RSRC1: variants seen among roughly 807,000 people sequenced by gnomAD.
The protein encoded by RSRC1 is serine/Arginine-related protein 53.
A neutral mutation model predicts 49.1 loss-of-function variants in RSRC1; 39 were observed. The observed-to-expected ratio is 0.79, with a 90% CI of 0.61 to 1.04. The LOEUF (loss-of-function observed/expected upper bound fraction) is 1.04, where lower values mean the gene tolerates loss of function less well. Ranked by LOEUF, RSRC1 falls within the 50% of genes least tolerant of loss-of-function variation. The pLI is 0.00. For synonymous variants in RSRC1, 143 were observed against 130.8 expected (o/e 1.09, Z -0.63); for missense variants, 388 against 402.4 (o/e 0.96, Z 0.31).
chr3:158,220,206 G>A (rs1356610976), intron 4 of RSRC1, among the ~76,000 whole-genome samples: 1 of 151,660 alleles, frequency 6.6e-6, no homozygotes, highest in African/African-American at 2.4e-5. Context: ...ATCGTAGATA[G>A]GGAAGTCATA....
At chr3:158,436,540 T>A (rs749792432) in intron 6 of RSRC1, among the ~76,000 whole-genome samples, 8 of 151,944 alleles carry the variant, frequency 5.3e-5, no homozygotes, top group Non-Finnish European at 1.2e-4. Flanking sequence ...ATACAATTTC[T>A]CGGAAATATT....
chr3:158,353,999 T>TTTC (rs1553791545), intron 5 of RSRC1, among the ~76,000 whole-genome samples: 2 of 139,706 alleles, frequency 1.4e-5, no homozygotes, highest in Non-Finnish European at 3.1e-5. Flanking sequence ...CTTTTTCTTT[T>TTTC]TTTTTTTTTT....
chr3:158,380,703 A>C (rs1732654841), intron 6 of RSRC1, among the ~76,000 whole-genome samples: 1 of 152,106 alleles, frequency 6.6e-6, no homozygotes. Context: ...AGTTGTGGGA[A>C]AATACCACTC....
chr3:158,159,739 CTT>C (rs1320054276), intron 3 of RSRC1, among the ~76,000 whole-genome samples: 1 of 152,116 alleles, frequency 6.6e-6, no homozygotes, highest in East Asian at 1.9e-4. Flanking sequence ...AGTTCTTTAA[CTT>C]TTTTTGATGA....
At chr3:158,185,700 T>C (rs1237458408) in intron 3 of RSRC1, among the ~76,000 whole-genome samples, 4 of 151,930 alleles carry the variant, frequency 2.6e-5, no homozygotes. Context: ...TACCAGCTGC[T>C]AAAAAAATTT....
chr3:158,525,937 C>T (rs1434876130), intron 7 of RSRC1, among the ~76,000 whole-genome samples: 3 of 151,830 alleles, frequency 2.0e-5, no homozygotes, highest in African/African-American at 7.2e-5. Flanking sequence ...TAACAATGGA[C>T]ATGTTCTATA....
At chr3:158,173,222 ATATT>A (rs1718986223) in intron 3 of RSRC1, among the ~76,000 whole-genome samples, 1 of 152,004 alleles carries the variant, frequency 6.6e-6, no homozygotes, top group Non-Finnish European at 1.5e-5. Flanking sequence ...GATTATTTAT[ATATT>A]TATAAAACAA....
intron 4 of RSRC1, among the ~76,000 whole-genome samples, chr3:158,285,712 A>C (rs545756471): frequency 3.3e-5 from 5 of 152,148 alleles, no homozygotes; most frequent in East Asian, 3.9e-4. Flanking sequence ...TTGGTGTATA[A>C]GAATGCTTGT....
intron 7 of RSRC1, among the ~76,000 whole-genome samples, chr3:158,477,349 A>G (rs1430517658): frequency 2.0e-5 from 3 of 152,158 alleles, no homozygotes; most frequent in African/African-American, 7.2e-5. Flanking sequence ...CTTTCATGAC[A>G]GAAAAATCAG....
At position 158,537,142 on chromosome 3, in the gene RSRC1, ATTGAAAG is replaced by A; in HGVS notation, c.705_711del (p.Ile235MetfsTer24). ...AAAAAGAGTAAAAGAAATTGAAGCT[ATTGAAAG>A]TGATTCTTTTGTTCAGCAGACATTC... On this transcript the variant is annotated frameshift_variant, in exon 8 of 10. Transcript: ENST00000611884. LOFTEE classifies it high-confidence loss of function. 2 of 1,602,640 alleles carry A rather than the reference ATTGAAAG, an allele frequency of 1.2e-6. No individual in the cohort carries two copies. The highest frequency in any genetic ancestry group is 1.7e-6 in the Non-Finnish European group (2 of 1,175,152).
chr3:158,434,267 A>G (rs1191178735), intron 6 of RSRC1, among the ~76,000 whole-genome samples: 2 of 151,970 alleles, frequency 1.3e-5, no homozygotes, highest in Non-Finnish European at 2.9e-5. Context: ...TCACTTATAC[A>G]TTAGGTGATG....
chr3:158,445,560 G>A (rs375104677), intron 6 of RSRC1, among the ~76,000 whole-genome samples: 3 of 151,978 alleles, frequency 2.0e-5, no homozygotes, highest in Admixed American at 2.0e-4. Context: ...CATAAATGAC[G>A]AGTTAATGGG....
chr3:158,276,475 A>G, intron 4 of RSRC1: 1 of 624,412 alleles, frequency 1.6e-6, no homozygotes, highest in Non-Finnish European at 2.9e-6. Context: ...GTTAGCCTTT[A>G]GATAGAATAA....
intron 3 of RSRC1, among the ~76,000 whole-genome samples, chr3:158,181,529 A>C (rs1320879074): frequency 5.9e-5 from 9 of 152,218 alleles, no homozygotes; most frequent in African/African-American, 2.2e-4. Context: ...TTGGAAAATT[A>C]GTGATAAAAA....
chr3:158,388,605 G>GTTTTTTTT (rs1225891559), intron 6 of RSRC1, among the ~76,000 whole-genome samples: 1 of 99,300 alleles, frequency 1.0e-5, no homozygotes, highest in African/African-American at 4.0e-5. Flanking sequence ...AATTAGCCGT[G>GTTTTTTTT]TTTTTTGTTT....
chr3:158,325,918 G>T (rs1400349858), intron 5 of RSRC1, among the ~76,000 whole-genome samples: 1 of 152,110 alleles, frequency 6.6e-6, no homozygotes, highest in Non-Finnish European at 1.5e-5. Context: ...GCAGTGGATT[G>T]TAGTTCTCCT....
chr3:158,143,409 G>A (rs1446232291), intron 3 of RSRC1, among the ~76,000 whole-genome samples: 1 of 152,142 alleles, frequency 6.6e-6, no homozygotes, highest in Non-Finnish European at 1.5e-5. Flanking sequence ...TCCCCTAGGA[G>A]ATAGCATGAT....
chr3:158,451,942 T>C (rs933041881), intron 6 of RSRC1, among the ~76,000 whole-genome samples: 4 of 152,098 alleles, frequency 2.6e-5, no homozygotes, highest in African/African-American at 7.2e-5. Flanking sequence ...ACTCACTAGA[T>C]ACATTTTCTA....
rs542409395 is a variant in RSRC1, at chr3:158,220,210, A to G, written c.494+16965A>G. Among the ~76,000 whole-genome samples the G allele has an allele frequency of 4.0e-5, 6 of 151,796 alleles. No individual in the cohort carries two copies. The South Asian group carries it at 6.2e-4, about 16-fold the overall frequency. ...TGGAAGGGCTAATCGTAGATAGGGA[A>G]GTCATATGATCCTTTGAAGTCAGTG... On this transcript the variant is annotated intron_variant, in intron 4 of 9. Transcript: ENST00000611884.
Sources: gnomAD v4.1 joint callset for allele counts (sites outside exome capture counted in the v4.1 genomes callset) on GRCh38, gnomAD v4.1.1 for gene constraint, MANE v1.5 for transcripts, NCBI Gene and HGNC (gene_info 2026-07-23, HGNC 2026-07-21) for gene names.